CFAP54: variants seen among roughly 807,000 people sequenced by gnomAD.
CFAP54 encodes the protein cilia- and flagella-associated protein 54.
CFAP54 carries 290 observed loss-of-function variants against 370.4 expected under a neutral mutation model. The ratio of observed to expected loss-of-function variants is 0.78; its 90% confidence interval spans 0.71 to 0.86. The LOEUF (loss-of-function observed/expected upper bound fraction) is 0.86, where lower values mean the gene tolerates loss of function less well. CFAP54 is among the 40% of genes least tolerant of loss of function. The pLI, the probability that CFAP54 is intolerant of heterozygous loss-of-function variation, is 0.00. For synonymous variants in CFAP54, 1,206 were observed against 1,236.5 expected, an observed-to-expected ratio of 0.98 and a Z score of 0.52; for missense variants, 3,399 against 3,528.7, an observed-to-expected ratio of 0.96 and a Z score of 0.93.
chr12:96,858,634 C>T (rs1328008319), intron 66 of CFAP54, among the ~76,000 whole-genome samples: 2 of 152,230 alleles, frequency 1.3e-5, no homozygotes, highest in African/African-American at 4.8e-5. Context: ...AAAGGCAATA[C>T]TGTTTGCAAT....
At chr12:96,506,039 T>C (rs11108554) in intron 3 of CFAP54, among the ~76,000 whole-genome samples, 87,709 of 151,926 alleles carry the variant, frequency 0.58, 26,267 homozygotes, top group East Asian at 0.74. Flanking sequence ...GGGGAGCTTA[T>C]AACAATTGAT....
chr12:96,550,436 G>T (rs1414891782), intron 15 of CFAP54, among the ~76,000 whole-genome samples: 1 of 152,140 alleles, frequency 6.6e-6, no homozygotes, highest in East Asian at 1.9e-4. Context: ...AATTAGCCAG[G>T]CATTGTGGTG....
intron 58 of CFAP54, among the ~76,000 whole-genome samples, chr12:96,758,947 T>A (rs79276025): frequency 0.015 from 2,341 of 152,254 alleles, 76 homozygotes; most frequent in African/African-American, 0.054. Flanking sequence ...GCAGGAATAA[T>A]TTGGGTGGGT....
At chr12:96,662,506 G>T (rs796572954) in intron 38 of CFAP54, among the ~76,000 whole-genome samples, 21 of 152,234 alleles carry the variant, frequency 1.4e-4, no homozygotes, top group African/African-American at 4.6e-4. Flanking sequence ...CACCCAGCCT[G>T]TAATCTATTC....
intron 64 of CFAP54, 66 bp downstream of exon 64, chr12:96,811,908 G>C: frequency 2.1e-6 from 2 of 971,958 alleles, no homozygotes; most frequent in Non-Finnish European, 2.9e-6. Flanking sequence ...GACTCTTTCA[G>C]TAATTGGCAA....
chr12:96,755,465 C>T (rs563274473), intron 56 of CFAP54, among the ~76,000 whole-genome samples: 80 of 152,152 alleles, frequency 5.3e-4, no homozygotes, highest in Admixed American at 2.0e-3. Flanking sequence ...ACCAATATCT[C>T]CCTATTCCCC....
chr12:96,605,492 T>C (rs1956290494), intron 26 of CFAP54, among the ~76,000 whole-genome samples: 1 of 152,136 alleles, frequency 6.6e-6, no homozygotes, highest in African/African-American at 2.4e-5. Flanking sequence ...AAGGACAAAC[T>C]GGAGAGGTGA....
At chr12:96,825,097 A>C (rs1000380639) in intron 65 of CFAP54, among the ~76,000 whole-genome samples, 1 of 148,214 alleles carries the variant, frequency 6.7e-6, no homozygotes, top group Admixed American at 6.9e-5. Flanking sequence ...AAGTTGCACT[A>C]TTTTTTTCAA....
At chr12:96,682,366 C>G (rs1592706422) in intron 40 of CFAP54, 1 of 961,730 alleles carries the variant, frequency 1.0e-6, no homozygotes, top group African/African-American at 1.8e-5. Flanking sequence ...TACTCATTTT[C>G]TTTAAATTTT....
chr12:96,736,473 G>A (rs1957981579), intron 50 of CFAP54, among the ~76,000 whole-genome samples: 1 of 152,144 alleles, frequency 6.6e-6, no homozygotes, highest in African/African-American at 2.4e-5. Flanking sequence ...GAATATGGAA[G>A]CCCTCACTAA....
chr12:96,614,518 A>G (rs1956394953), intron 26 of CFAP54, among the ~76,000 whole-genome samples: 1 of 152,212 alleles, frequency 6.6e-6, no homozygotes, highest in African/African-American at 2.4e-5. Flanking sequence ...GGCCAGGGCA[A>G]TCAGGCAGGA....
intron 23 of CFAP54, among the ~76,000 whole-genome samples, chr12:96,591,496 A>C (rs1956123824): frequency 6.6e-6 from 1 of 152,150 alleles, no homozygotes; most frequent in African/African-American, 2.4e-5. Context: ...CAGTAGAGAG[A>C]GAGAGACTGA....
intron 36 of CFAP54, among the ~76,000 whole-genome samples, chr12:96,656,311 C>G (rs1458040667): frequency 2.6e-5 from 4 of 151,878 alleles, no homozygotes; most frequent in Non-Finnish European, 4.4e-5. Context: ...CCCCCCCCCT[C>G]CCCTTTTGGA....
intron 63 of CFAP54, among the ~76,000 whole-genome samples, chr12:96,802,094 A>G (rs1352938533): frequency 6.6e-6 from 1 of 152,078 alleles, no homozygotes; most frequent in Non-Finnish European, 1.5e-5. Context: ...CTGTGCCCCA[A>G]CTTCAGAACG....
intron 67 of CFAP54, among the ~76,000 whole-genome samples, chr12:96,874,646 T>TTTTTTTTTTG (rs1203064853): frequency 9.6e-6 from 1 of 103,750 alleles, no homozygotes; most frequent in Non-Finnish European, 1.9e-5. Context: ...TTTTTTTTTT[T>TTTTTTTTTTG]TGAGACGGAG....
intron 26 of CFAP54, among the ~76,000 whole-genome samples, chr12:96,599,136 C>T (rs956424397): frequency 1.3e-5 from 2 of 152,000 alleles, no homozygotes; most frequent in Admixed American, 6.6e-5. Flanking sequence ...TTAGGTATTT[C>T]TCCTAATACT....
intron 67 of CFAP54, among the ~76,000 whole-genome samples, chr12:96,874,585 TTGTTC>T (rs1412108192): frequency 3.3e-5 from 5 of 151,200 alleles, no homozygotes; most frequent in South Asian, 2.1e-4. Context: ...TCAGGAACAA[TTGTTC>T]TGTTCTGTTT....
chr12:96,574,089 A>G (rs1955952399), intron 19 of CFAP54, among the ~76,000 whole-genome samples: 1 of 152,112 alleles, frequency 6.6e-6, no homozygotes. Flanking sequence ...TCATTATTTT[A>G]GAAAAAATAT....
chr12:96,598,534 G>T, intron 25 of CFAP54, 111 bp from the exon 26 acceptor site: 2 of 427,758 alleles, frequency 4.7e-6, no homozygotes, highest in Non-Finnish European at 4.1e-6. Context: ...AATAATTATT[G>T]ATAACAAAAT....
Sources: gnomAD v4.1 joint callset for allele counts (sites outside exome capture counted in the v4.1 genomes callset) on GRCh38, gnomAD v4.1.1 for gene constraint, MANE v1.5 for transcripts, NCBI Gene and HGNC (gene_info 2026-07-23, HGNC 2026-07-21) for gene names.